Variants in KCNT1 observed in about 807,000 individuals in gnomAD.
KCNT1 encodes potassium channel subfamily T member 1.
In KCNT1, 78 loss-of-function variants were observed where a neutral mutation model predicts 147.8. The ratio of observed to expected loss-of-function variants is 0.53; its 90% CI spans 0.44 to 0.64. The LOEUF is 0.64. KCNT1 is among the 30% of genes least tolerant of loss of function. The probability of loss-of-function intolerance (pLI) is 0.00; values close to 1 mark genes in which losing one functional copy is unlikely to be tolerated. For missense variants in KCNT1, 1,419 were observed against 1,750.3 expected (o/e 0.81, Z 3.38); for synonymous variants, 867 against 748.8 (o/e 1.16, Z -2.58).
At position 135,732,024 on chromosome 9, in the gene KCNT1, A is replaced by AGAGAGAGG. The variant is rs1554766189; in HGVS notation, c.254+17311_254+17312insGGAGAGAG. Among the ~76,000 whole-genome samples, 336 of 65,034 alleles carry AGAGAGAGG rather than the reference A, an allele frequency of 5.2e-3. 17 individuals are homozygous for AGAGAGAGG. The highest frequency in any genetic ancestry group is 6.7e-3 in the East Asian group (11 of 1,630). 42.7% of individuals were successfully genotyped at this position (65,034 alleles called of 152,430 possible). A position where few individuals can be genotyped will look rare whatever the true frequency, so the allele number is the denominator to read the frequency against. ...GAGAGAGAGAGAGAGAGAGAGAGAG[A>AGAGAGAGG]GAGAGAGAGAGAGAGAGGGAGTCTC... On this transcript the variant is annotated intron_variant, in intron 2 of 30. Coordinates refer to ENST00000371757, the MANE Select transcript of KCNT1 (RefSeq NM_020822.3).
At chr9:135,768,961 G>T in intron 15 of KCNT1, 24 bp downstream of exon 15, 4 of 1,572,884 alleles carry the variant, frequency 2.5e-6, no homozygotes, top group Non-Finnish European at 3.5e-6. Flanking sequence ...ACACGTGGGT[G>T]ATGGTGTATC....
rs368477306 is a variant in KCNT1 at position 135,765,746 on chromosome 9, C to T, written c.1323C>T (p.Asp441=). The T allele has an allele frequency of 1.3e-5, 21 of 1,602,040 alleles. No homozygotes were observed. The African/African-American group carries it at 2.4e-4, about 18-fold the overall frequency. The change falls in exon 13 of 31, where the codon GAC becomes GAT. Residue 441 remains aspartate (D), a synonymous_variant. Transcript: ENST00000371757. ...YLQGSALKDQ[D]LMRAKMDNGE... is the part of the protein sequence containing the mutation. ...AGGGCTCTGCACTCAAAGACCAGGA[C>T]CTCATGCGAGCCAAGTGAGTGCTGG...
At chr9:135,748,508 C>T (rs987500136) in intron 2 of KCNT1, among the ~76,000 whole-genome samples, 3 of 152,252 alleles carry the variant, frequency 2.0e-5, no homozygotes, top group African/African-American at 7.2e-5. Context: ...AGTGCCTGCT[C>T]AGAGGGGAGG....
chr9:135,764,404 G>T (rs1832117319), intron 11 of KCNT1, among the ~76,000 whole-genome samples: 1 of 152,214 alleles, frequency 6.6e-6, no homozygotes, highest in Admixed American at 6.5e-5. Flanking sequence ...AGGCTGCAGT[G>T]AGCTGTGATT....
At chr9:135,769,839 C>A (rs913957695) in intron 15 of KCNT1, 108 bp from the exon 16 acceptor site, 3 of 748,374 alleles carry the variant, frequency 4.0e-6, no homozygotes, top group Non-Finnish European at 4.5e-6. Context: ...CACGGGGGTG[C>A]CAGGCAAGGG....
chr9:135,762,844 A>G (rs1588337873), intron 11 of KCNT1, among the ~76,000 whole-genome samples: 1 of 152,230 alleles, frequency 6.6e-6, no homozygotes, highest in Non-Finnish European at 1.5e-5. Context: ...AATTCACGGA[A>G]CAAATGCGCC....
chr9:135,770,486 GCTGCT>G, intron 17 of KCNT1, 39 bp downstream of exon 17: 2 of 1,584,556 alleles, frequency 1.3e-6, no homozygotes, highest in Non-Finnish European at 1.7e-6. Flanking sequence ...GCGCTCCAGG[GCTGCT>G]CTGCTCTGTG....
chr9:135,783,893 C>T, intron 24 of KCNT1, 131 bp from the exon 25 acceptor site: 1 of 691,848 alleles, frequency 1.4e-6, no homozygotes, highest in South Asian at 1.6e-5. Flanking sequence ...GACACACACA[C>T]CATGCACAAA....
At chr9:135,715,662 C>T (rs757830037) in intron 2 of KCNT1, among the ~76,000 whole-genome samples, 5 of 152,222 alleles carry the variant, frequency 3.3e-5, no homozygotes, top group Admixed American at 6.5e-5. Flanking sequence ...ATGGTCAGGA[C>T]ACAAACAGCT....
At chr9:135,761,513 C>T (rs1831910064) in intron 11 of KCNT1, among the ~76,000 whole-genome samples, 2 of 152,254 alleles carry the variant, frequency 1.3e-5, no homozygotes, top group African/African-American at 2.4e-5. Flanking sequence ...TAAATCTCAC[C>T]TCAAATTCTT....
At chr9:135,735,319 C>T (rs1247402253) in intron 2 of KCNT1, among the ~76,000 whole-genome samples, 1 of 152,204 alleles carries the variant, frequency 6.6e-6, no homozygotes, top group Non-Finnish European at 1.5e-5. Flanking sequence ...GGCGGCTCAG[C>T]GTTTGGACCC....
chr9:135,775,872 C>T (rs531339566), intron 20 of KCNT1, among the ~76,000 whole-genome samples: 16 of 152,350 alleles, frequency 1.1e-4, no homozygotes, highest in African/African-American at 3.8e-4. Flanking sequence ...CACCGGGAGC[C>T]TGTCCCGGCT....
chr9:135,706,450 G>A (rs1243243686), intron 1 of KCNT1, among the ~76,000 whole-genome samples: 1 of 152,232 alleles, frequency 6.6e-6, no homozygotes, highest in East Asian at 1.9e-4. Context: ...CAGTGCCGGG[G>A]TGTGGTGTGT....
At chr9:135,738,258 C>G (rs1325341926) in intron 2 of KCNT1, among the ~76,000 whole-genome samples, 1 of 152,210 alleles carries the variant, frequency 6.6e-6, no homozygotes, top group African/African-American at 2.4e-5. Context: ...TCGCTCATCC[C>G]CCGGCAGCCC....
Position 135,792,025 on chromosome 9 carries a change from C to G in KCNT1, c.3588-16C>G. 6.2e-7 allele frequency: 1 copy of G among 1,603,692 alleles called. No homozygotes were observed. The highest frequency in any genetic ancestry group is 8.5e-7 in the Non-Finnish European group (1 of 1,178,928). On this transcript the variant is annotated splice_polypyrimidine_tract_variant and intron_variant, in intron 30 of 30. Transcript: ENST00000371757. ...CGGCCCACATCCACTCCAGGGTCCT[C>G]TGTGCCCTCCCGCAGCTATCTCATC...
chr9:135,749,279 C>T (rs1034175095), intron 2 of KCNT1, among the ~76,000 whole-genome samples: 2 of 152,222 alleles, frequency 1.3e-5, no homozygotes, highest in African/African-American at 2.4e-5. Context: ...CAGGTGGCCA[C>T]GGTAGGTGAG....
intron 21 of KCNT1, 163 bp from the exon 22 acceptor site, chr9:135,778,261 G>T: frequency 3.2e-6 from 2 of 627,424 alleles, no homozygotes; most frequent in South Asian, 3.9e-5. Context: ...ATAAAATAAA[G>T]AATGGCCCAC....
At chr9:135,768,493 T>G in intron 13 of KCNT1, 117 bp from the exon 14 acceptor site, 1 of 704,698 alleles carries the variant, frequency 1.4e-6, no homozygotes, top group South Asian at 1.8e-5. Context: ...TCTCTTTCTG[T>G]GCACCTGCTG....
At chr9:135,742,889 G>T in intron 2 of KCNT1, 1 of 708,868 alleles carries the variant, frequency 1.4e-6, no homozygotes. Flanking sequence ...CTTGTTTCTG[G>T]GGGGTCCCCT....
Sources: gnomAD v4.1 joint callset for allele counts (sites outside exome capture counted in the v4.1 genomes callset) on GRCh38, gnomAD v4.1.1 for gene constraint, MANE v1.5 for transcripts, NCBI Gene and HGNC (gene_info 2026-07-23, HGNC 2026-07-21) for gene names.